MIA3: variants seen among roughly 807,000 people sequenced by gnomAD.
The protein encoded by MIA3 is transport and Golgi organization protein 1 homolog.
A neutral mutation model predicts 192.4 loss-of-function variants in MIA3; 90 were observed. That is an observed-to-expected ratio of 0.47 (90% CI 0.39 to 0.56). MIA3 has a LOEUF of 0.56. MIA3 is among the 20% of genes least tolerant of loss of function. The probability of loss-of-function intolerance (pLI) is 0.00; values close to 1 mark genes in which losing one functional copy is unlikely to be tolerated. For missense variants in MIA3, 2,123 were observed against 2,269.4 expected (o/e 0.94, Z 1.31); for synonymous variants, 740 against 792.8 (o/e 0.93, Z 1.12).
chr1:222,619,586 G>A (rs1469291184), intron 1 of MIA3, among the ~76,000 whole-genome samples: 2 of 152,132 alleles, frequency 1.3e-5, no homozygotes, highest in African/African-American at 4.8e-5. Context: ...GTTTTCTTGG[G>A]TCAAAGCCAC....
chr1:222,619,809 T>G (rs1661777329), intron 1 of MIA3, among the ~76,000 whole-genome samples: 1 of 152,210 alleles, frequency 6.6e-6, no homozygotes. Context: ...ACAATAGGCA[T>G]CAACAGGAGC....
In MIA3 at chr1:222,633,136, G is replaced by A. The variant is rs767407763; in HGVS notation, c.3364G>A (p.Ala1122Thr). ...PVTTEDTPMD[A>T]IDANKQPETA... is the part of the protein sequence containing the mutation. ...TACAACAGAAGACACTCCTATGGAT[G>A]CTATTGATGCAAACAAGCAACCAGA... Residue 1122 changes from alanine to threonine, a missense_variant, in exon 6 of 28, where the codon GCT (alanine) becomes ACT (threonine). Physicochemically the swap from Ala to Thr is moderately conservative, Grantham distance 58 (BLOSUM62 0). This residue lies in a region of MIA3 where 1,357 missense variants were observed against 1,396.1 expected (regional missense o/e 0.97). Transcript: ENST00000344922. 1 of 1,613,164 alleles carries A rather than the reference G, an allele frequency of 6.2e-7. No homozygotes were observed. Among genetic ancestry groups the A allele is most frequent in the Non-Finnish European group, 8.5e-7 (1 of 1,179,802 alleles).
At chr1:222,625,667 A>G (rs1430811018) in intron 3 of MIA3, among the ~76,000 whole-genome samples, 1 of 152,252 alleles carries the variant, frequency 6.6e-6, no homozygotes, top group Non-Finnish European at 1.5e-5. Flanking sequence ...CACATTCTGT[A>G]GAGCATTTAT....
In MIA3 at chr1:222,627,882, A is replaced by G. The variant is rs370194090; in HGVS notation, c.662A>G (p.Gln221Arg). 1.2e-6 allele frequency: 2 copies of G among 1,613,950 alleles called. No individual in the cohort carries two copies. The highest frequency in any genetic ancestry group is 1.7e-5 in the Admixed American group (1 of 60,014). Residue 221 changes from glutamine to arginine, a missense_variant, in exon 4 of 28, where the codon CAG (glutamine) becomes CGG (arginine). Coordinates refer to ENST00000344922, the MANE Select transcript of MIA3 (RefSeq NM_198551.4). ...SHANSQANHAQGEQASFESFE... is the reference protein window; with the variant it reads ...SHANSQANHARGEQASFESFE... Reference sequence around the variant, plus strand: ...GCAAACAGCCAAGCAAATCATGCTCAGGGAGAGCAGGCTTCATTTGAATCT... The same window carrying G: ...GCAAACAGCCAAGCAAATCATGCTCGGGGAGAGCAGGCTTCATTTGAATCT...
intron 18 of MIA3, among the ~76,000 whole-genome samples, chr1:222,655,785 G>A (rs1051946985): frequency 4.6e-5 from 7 of 151,872 alleles, no homozygotes; most frequent in East Asian, 1.9e-4. Context: ...GTTTTTCTTC[G>A]TGATACAGTT....
chr1:222,625,427 A>G (rs1662069487), intron 3 of MIA3, among the ~76,000 whole-genome samples: 1 of 152,258 alleles, frequency 6.6e-6, no homozygotes, highest in African/African-American at 2.4e-5. Context: ...CACAAGCAAA[A>G]GGAGAAATTT....
intron 6 of MIA3, chr1:222,641,820 T>A (rs1324024209): frequency 3.7e-6 from 2 of 536,602 alleles, no homozygotes; most frequent in African/African-American, 3.8e-5. Flanking sequence ...TCTTGAGCAT[T>A]TCTAGCTGCG....
intron 5 of MIA3, among the ~76,000 whole-genome samples, chr1:222,632,691 A>G (rs1662452985): frequency 6.6e-6 from 1 of 152,240 alleles, no homozygotes; most frequent in African/African-American, 2.4e-5. Context: ...TCCAGGAAAG[A>G]CTGACCTGAT....
chr1:222,658,020 A>C (rs1663824496), intron 18 of MIA3, among the ~76,000 whole-genome samples: 1 of 152,222 alleles, frequency 6.6e-6, no homozygotes, highest in African/African-American at 2.4e-5. Context: ...CTGCCTTTAC[A>C]ATCTGTGTTA....
chr1:222,620,437 G>C (rs1661804289), intron 1 of MIA3, among the ~76,000 whole-genome samples: 1 of 152,146 alleles, frequency 6.6e-6, no homozygotes, highest in African/African-American at 2.4e-5. Context: ...ATACATAAGG[G>C]TATTCTTTCC....
intron 6 of MIA3, among the ~76,000 whole-genome samples, chr1:222,639,840 CTCATTACA>C (rs1424718582): frequency 6.6e-6 from 1 of 152,108 alleles, no homozygotes; most frequent in Non-Finnish European, 1.5e-5. Flanking sequence ...AATGTCTACT[CTCATTACA>C]TCTGTTCAGT....
At chr1:222,632,060 C>T (rs1662419861) in intron 4 of MIA3, 105 bp from the exon 5 acceptor site, 1 of 918,044 alleles carries the variant, frequency 1.1e-6, no homozygotes, top group Non-Finnish European at 1.7e-6. Context: ...ATGGGATGCC[C>T]ATGCATGGAG....
intron 7 of MIA3, among the ~76,000 whole-genome samples, chr1:222,648,432 G>T (rs1418934308): frequency 1.3e-5 from 2 of 152,046 alleles, no homozygotes; most frequent in Non-Finnish European, 2.9e-5. Context: ...GTTGTTTTTA[G>T]ATTTCTTTCT....
intron 6 of MIA3, among the ~76,000 whole-genome samples, chr1:222,639,054 A>G (rs1662747710): frequency 6.6e-6 from 1 of 152,200 alleles, no homozygotes; most frequent in Admixed American, 6.5e-5. Context: ...ACAGATCACC[A>G]ATAGCAGCAA....
chr1:222,641,511 C>G, intron 6 of MIA3: 2 of 497,038 alleles, frequency 4.0e-6, no homozygotes, highest in South Asian at 1.5e-5. Flanking sequence ...TCCTGGAGAG[C>G]TGGTGGATTT....
Position 222,627,606 on chromosome 1 carries a change from G to T in MIA3, c.386G>T (p.Arg129Ile). 1 of 1,579,854 alleles carries T rather than the reference G, an allele frequency of 6.3e-7. No individual in the cohort carries two copies. The highest frequency in any genetic ancestry group is 8.5e-7 in the Non-Finnish European group (1 of 1,169,718). ...ETDFVCFDGG[R>I]DDFHNYNVEE... ...GATTTTGTTTGTTTTGATGGAGGAA[G>T]AGATGATTTTCATAATTATAATGTA... Residue 129 changes from arginine to isoleucine, a missense_variant, in exon 4 of 28, where the codon AGA (arginine) becomes ATA (isoleucine). Transcript: ENST00000344922.
Position 222,665,461 on chromosome 1 carries a change from C to T in MIA3, c.5566C>T (p.Pro1856Ser). 6.2e-7 allele frequency: 1 copy of T among 1,613,998 alleles called. No individual in the cohort carries two copies. Among genetic ancestry groups the T allele is most frequent in the Non-Finnish European group, 8.5e-7 (1 of 1,180,004 alleles). Residue 1856 changes from proline (P) to serine (S), a missense_variant, in exon 28 of 28, where the codon CCT (proline) becomes TCT (serine). Coordinates refer to ENST00000344922, the MANE Select transcript of MIA3 (RefSeq NM_198551.4). ...GSLGPREYFI[P>S]GTRLPPPTHG... Reference sequence around the variant, plus strand: ...ACTTGGCCCAAGAGAGTACTTTATTCCTGGTACCCGATTACCACCCCCAAC... The same window carrying T: ...ACTTGGCCCAAGAGAGTACTTTATTTCTGGTACCCGATTACCACCCCCAAC...
Position 222,627,990 on chromosome 1 carries a change from A to T in MIA3, c.770A>T (p.Glu257Val). The T allele has an allele frequency of 6.2e-7, 1 of 1,614,152 alleles. No homozygotes were observed. Among genetic ancestry groups the T allele is most frequent in the South Asian group, 1.1e-5 (1 of 91,082 alleles). The stretch of plus-strand genomic sequence containing the variant: ...AGCAATAGTTCTCAGGTCTCAAATG[A>T]ACAGGATAAGATTGATGCCTATAAA... ...KTSNSSQVSN[E>V]QDKIDAYKLL... Residue 257 changes from glutamate (E) to valine (V), a missense_variant, in exon 4 of 28, where the codon GAA becomes GTA. Glu to Val is a moderately radical substitution (Grantham distance 121, BLOSUM62 -2). Coordinates refer to ENST00000344922, the MANE Select transcript of MIA3 (RefSeq NM_198551.4).
chr1:222,627,784 A>C lies in MIA3; in HGVS notation c.564A>C (p.Glu188Asp). The change falls in exon 4 of 28, where the codon GAA becomes GAC. Residue 188 changes from glutamate (E) to aspartate (D), a missense_variant. Transcript: ENST00000344922. ...EPEPVEANSE[E>D]SDSVFSENTE... ...AACCAGTAGAAGCCAACTCAGAGGAAAGTGATAGTGTATTCTCAGAAAACA... is the reference window on the plus strand; with the variant it reads ...AACCAGTAGAAGCCAACTCAGAGGACAGTGATAGTGTATTCTCAGAAAACA... 6.2e-7 allele frequency: 1 copy of C among 1,613,636 alleles called. No individual in the cohort carries two copies. The highest frequency in any genetic ancestry group is 1.1e-5 in the South Asian group (1 of 90,916).
Sources: gnomAD v4.1 joint callset for allele counts (sites outside exome capture counted in the v4.1 genomes callset) on GRCh38, gnomAD v4.1.1 for gene constraint, gnomAD v4.1.1 regional missense constraint, MANE v1.5 for transcripts, NCBI Gene and HGNC (gene_info 2026-07-23, HGNC 2026-07-21) for gene names.